The following ST8SIA5 variants were observed in gnomAD, a reference collection of about 807,000 sequenced individuals.
ST8SIA5 encodes ST8 alpha-N-acetyl-neuraminide alpha-2,8-sialyltransferase 5.
ST8SIA5 carries 24 observed loss-of-function variants against 40.2 expected under a neutral mutation model. The ratio of observed to expected loss-of-function variants is 0.60; its 90% CI spans 0.43 to 0.84. ST8SIA5 has a LOEUF of 0.84. Among genes scored for constraint, ST8SIA5 ranks in the 40% least tolerant of loss-of-function variants. The pLI, the probability that ST8SIA5 is intolerant of heterozygous loss-of-function variation, is 0.00. For missense variants in ST8SIA5, 465 were observed against 498.5 expected (o/e 0.93, Z 0.64); for synonymous variants, 198 against 201.8 (o/e 0.98, Z 0.16).
intron 2 of ST8SIA5, among the ~76,000 whole-genome samples, chr18:46,703,641 C>A (rs2039640262): frequency 6.6e-6 from 1 of 152,130 alleles, no homozygotes. Flanking sequence ...ACGGTCCCTG[C>A]CTGAGGGCCA....
chr18:46,700,755 G>C (rs563365326), intron 2 of ST8SIA5, among the ~76,000 whole-genome samples: 1 of 152,260 alleles, frequency 6.6e-6, no homozygotes, highest in East Asian at 1.9e-4. Flanking sequence ...GGACAGAGAG[G>C]GTGCCCCAAG....
intron 1 of ST8SIA5, among the ~76,000 whole-genome samples, chr18:46,737,785 T>C (rs995518616): frequency 6.6e-6 from 1 of 152,164 alleles, no homozygotes; most frequent in Admixed American, 6.5e-5. Flanking sequence ...AATTTTTTTT[T>C]TTTGAGACAG....
chr18:46,706,904 T>A (rs1376328974), intron 1 of ST8SIA5, among the ~76,000 whole-genome samples: 5 of 152,202 alleles, frequency 3.3e-5, no homozygotes, highest in Non-Finnish European at 5.9e-5. Flanking sequence ...TGGCCCCATT[T>A]CACTGCAATT....
intron 5 of ST8SIA5, among the ~76,000 whole-genome samples, chr18:46,682,580 T>C (rs930738434): frequency 1.3e-5 from 2 of 152,180 alleles, no homozygotes; most frequent in East Asian, 3.8e-4. Flanking sequence ...GAAAGCCCCA[T>C]AGTAGGAAGA....
At chr18:46,681,214 G>A (rs948435578) in intron 6 of ST8SIA5, among the ~76,000 whole-genome samples, 2 of 152,002 alleles carry the variant, frequency 1.3e-5, no homozygotes, top group African/African-American at 4.8e-5. Context: ...CTGGCCGCAA[G>A]CCACACTCTG....
At chr18:46,697,627 G>A (rs976956153) in intron 2 of ST8SIA5, among the ~76,000 whole-genome samples, 1 of 152,154 alleles carries the variant, frequency 6.6e-6, no homozygotes, top group Admixed American at 6.5e-5. Flanking sequence ...GATTGCTTGA[G>A]GCCAGGAGTT....
At chr18:46,721,536 C>A (rs1402688257) in intron 1 of ST8SIA5, 3 of 1,344,664 alleles carry the variant, frequency 2.2e-6, no homozygotes, top group Non-Finnish European at 2.1e-6. Context: ...TACCAGAGAG[C>A]CACATTCTGT....
intron 1 of ST8SIA5, among the ~76,000 whole-genome samples, chr18:46,729,080 C>T (rs999842232): frequency 6.6e-6 from 1 of 152,176 alleles, no homozygotes; most frequent in Non-Finnish European, 1.5e-5. Context: ...GCCTCAATGT[C>T]CCTCAACCTC....
At chr18:46,685,869 C>T (rs909948522) in intron 5 of ST8SIA5, 20 of 352,048 alleles carry the variant, frequency 5.7e-5, no homozygotes, top group Admixed American at 3.7e-5. Context: ...CCCAAGGAGA[C>T]GGTGCCCAGA....
intron 2 of ST8SIA5, among the ~76,000 whole-genome samples, chr18:46,694,736 C>A (rs2039539634): frequency 6.6e-6 from 1 of 152,096 alleles, no homozygotes; most frequent in African/African-American, 2.4e-5. Context: ...GCCTGTACCC[C>A]CCGATTTTGT....
chr18:46,682,688 G>A (rs1444275586), intron 5 of ST8SIA5, among the ~76,000 whole-genome samples: 1 of 152,230 alleles, frequency 6.6e-6, no homozygotes, highest in Non-Finnish European at 1.5e-5. Flanking sequence ...ATGAAGTTTA[G>A]GATCTTGAGA....
In ST8SIA5 at chr18:46,714,615, C is replaced by T. The variant is rs1287419167; in HGVS notation, c.132-9951G>A. On this transcript the variant is annotated intron_variant, in intron 1 of 6. Transcript: ENST00000315087. ...GGCCCAGGGAGGGAGTGCTATCCCC[C>T]CACGGAAGTGCTGTGCGTCTGGGGC... Among the ~76,000 whole-genome samples, 30 of 152,118 alleles carry T rather than the reference C, an allele frequency of 2.0e-4. 1 individual carries two copies. Among genetic ancestry groups the T allele is most frequent in the Admixed American group, 2.0e-3 (30 of 15,278 alleles).
chr18:46,725,984 T>TATATATATATATATATATATCCTGG (rs1568271304), intron 1 of ST8SIA5, among the ~76,000 whole-genome samples: 9 of 43,662 alleles, frequency 2.1e-4, no homozygotes, highest in African/African-American at 8.3e-4. Flanking sequence ...TATATATATA[T>TATATATATATATATATATATCCTGG]ATATATATAT....
chr18:46,682,366 A>G (rs2039405995), intron 5 of ST8SIA5, among the ~76,000 whole-genome samples: 1 of 152,186 alleles, frequency 6.6e-6, no homozygotes, highest in Non-Finnish European at 1.5e-5. Flanking sequence ...TATGGCTCTT[A>G]GAGGACAGGT....
At chr18:46,705,670 GC>G (rs1183518382) in intron 1 of ST8SIA5, among the ~76,000 whole-genome samples, 1 of 152,250 alleles carries the variant, frequency 6.6e-6, no homozygotes, top group Non-Finnish European at 1.5e-5. Context: ...TCTCCTCACA[GC>G]CCCCCTCCTC....
At chr18:46,691,944 G>A (rs187330362) in intron 3 of ST8SIA5, 117 of 555,672 alleles carry the variant, frequency 2.1e-4, no homozygotes, top group African/African-American at 1.9e-3. Flanking sequence ...GCTGCTGCAA[G>A]GACTAAGGGA....
rs1391438883 is a variant in ST8SIA5, at chr18:46,673,219, T to C, written c.*6823A>G. ...AAAATGGTTAAGATGATAAATTCTA[T>C]GTTATGTGTATTTTACCATAATTAC... On this transcript the variant is annotated 3_prime_UTR_variant, in exon 7 of 7. Transcript: ENST00000315087. The C allele has an allele frequency of 6.6e-6, 1 of 152,248 alleles. No homozygotes were observed. The highest frequency in any genetic ancestry group is 2.4e-5 in the African/African-American group (1 of 41,462). 9.4% of individuals were successfully genotyped at this position (152,248 alleles called of 1,614,324 possible).
chr18:46,687,615 T>G (rs328117), intron 4 of ST8SIA5, among the ~76,000 whole-genome samples: 143,158 of 152,186 alleles, frequency 0.94, 67,602 homozygotes, highest in Non-Finnish European at 0.99. Context: ...GCCACAGTGA[T>G]TGAGAACACA....
At chr18:46,750,422 T>C (rs894080156) in intron 1 of ST8SIA5, among the ~76,000 whole-genome samples, 1 of 152,186 alleles carries the variant, frequency 6.6e-6, no homozygotes, top group African/African-American at 2.4e-5. Context: ...ACAATTTCCA[T>C]GCCCCTCATT....
Sources: gnomAD v4.1 joint callset for allele counts (sites outside exome capture counted in the v4.1 genomes callset) on GRCh38, gnomAD v4.1.1 for gene constraint, MANE v1.5 for transcripts, NCBI Gene and HGNC (gene_info 2026-07-23, HGNC 2026-07-21) for gene names.